Variants in SYNE2 observed in about 807,000 individuals in gnomAD.
SYNE2 encodes the protein spectrin repeat containing nuclear envelope protein 2.
Under a neutral mutation model 856.3 loss-of-function variants are expected in SYNE2, and 431 were observed. That is an observed-to-expected ratio of 0.50 (90% CI 0.47 to 0.55). SYNE2 has a LOEUF of 0.55. Among genes scored for constraint, SYNE2 ranks in the 20% least tolerant of loss-of-function variants. SYNE2 has a pLI of 0.00. For synonymous variants in SYNE2, 2,923 were observed against 2,872.3 expected, an observed-to-expected ratio of 1.02 and a Z score of -0.56; for missense variants, 8,129 against 8,023.2, an observed-to-expected ratio of 1.01 and a Z score of -0.50.
chr14:64,056,002 C>A lies in SYNE2; in HGVS notation c.9803C>A (p.Ala3268Glu). ...CGCTATAAAGAAGCAGTCACCAGGG[C>A]AGTGGAGAGCATCACTTCCCTCGAA... ...LTRYKEAVTR[A>E]VESITSLEAI... The change falls in exon 49 of 116, where the codon GCA (alanine) becomes GAA (glutamate). Residue 3268 changes from alanine to glutamate, a missense_variant. Coordinates refer to ENST00000555002, the MANE Select transcript of SYNE2 (RefSeq NM_182914.3). 6.2e-7 allele frequency: 1 copy of A among 1,614,018 alleles called. No homozygotes were observed. The highest frequency in any genetic ancestry group is 8.5e-7 in the Non-Finnish European group (1 of 1,179,898).
Position 64,163,504 on chromosome 14 carries a change from C to A in SYNE2, c.16402C>A (p.Leu5468Ile). The change falls in exon 89 of 116, where the codon CTC becomes ATC. Residue 5468 changes from leucine (L) to isoleucine (I), a missense_variant. By Grantham distance (5) the Leu-to-Ile change is conservative. Around this residue, in one of 3 missense-constraint regions of SYNE2, gnomAD observed 5,410 missense variants for 5,284.8 expected, o/e 1.02. Coordinates refer to ENST00000555002, the MANE Select transcript of SYNE2 (RefSeq NM_182914.3). ...QPAESSTHML[L>I]PGPLHSLQRA... ...CGCAGAGTCCAGCACCCACATGCTC[C>A]TCCCGGGCCCCCTGCACTCTCTCCA... 4 of 1,614,176 alleles carry A rather than the reference C, an allele frequency of 2.5e-6. No individual in the cohort carries two copies. Among genetic ancestry groups the A allele is most frequent in the Non-Finnish European group, 3.4e-6 (4 of 1,180,036 alleles).
At chr14:64,035,272 G>T (rs2097077745) in intron 45 of SYNE2, among the ~76,000 whole-genome samples, 1 of 151,966 alleles carries the variant, frequency 6.6e-6, no homozygotes, top group South Asian at 2.1e-4. Flanking sequence ...ATTTGAATGA[G>T]AAGGAAACTA....
chr14:63,979,218 A>G (rs1292202657), intron 14 of SYNE2, among the ~76,000 whole-genome samples: 1 of 152,216 alleles, frequency 6.6e-6, no homozygotes, highest in Non-Finnish European at 1.5e-5. Context: ...TATAGAAAAT[A>G]TCACTACTTA....
chr14:63,956,487 T>G (rs2096243424), intron 8 of SYNE2: 1 of 456,090 alleles, frequency 2.2e-6, no homozygotes. Context: ...GTGAGTCAGC[T>G]AGTTCCAGCA....
Position 64,141,293 on chromosome 14 carries a change from C to A in SYNE2, c.14977-48C>A, listed in dbSNP as rs1484311129. 2.0e-6 allele frequency: 3 copies of A among 1,495,180 alleles called. No homozygotes were observed. In the African/African-American group the frequency reaches 4.2e-5, roughly 21 times the overall value. 92.6% of individuals were successfully genotyped at this position (1,495,180 alleles called of 1,614,324 possible). ...AGCCAGTTATTCCGACTCTTACTTT[C>A]TGCTATATTTAAATTTTAAGTTTCT... On this transcript the variant is annotated intron_variant, in intron 80 of 115. Coordinates refer to ENST00000555002, the MANE Select transcript of SYNE2 (RefSeq NM_182914.3).
At chr14:64,220,756 G>GA in intron 111 of SYNE2, 119 bp downstream of exon 111, 1 of 1,189,888 alleles carries the variant, frequency 8.4e-7, no homozygotes, top group Non-Finnish European at 1.2e-6. Flanking sequence ...CTGGTGTCAG[G>GA]AAACATGTGC....
At position 63,976,742 on chromosome 14, in the gene SYNE2, A is replaced by G; in HGVS notation, c.1293+15A>G. 1 of 1,612,452 alleles carries G rather than the reference A, an allele frequency of 6.2e-7. No homozygotes were observed. The highest frequency in any genetic ancestry group is 8.5e-7 in the Non-Finnish European group (1 of 1,178,614). The stretch of plus-strand genomic sequence containing the variant: ...CTTTATTCAAGGTTGGAAAAGAAAA[A>G]AAAGAGATGTAGGAAAATACATATT... On this transcript the variant is annotated intron_variant, in intron 12 of 115. Transcript: ENST00000555002.
chr14:63,764,217 C>T lies in SYNE2; in HGVS notation c.-305+2231C>T, dbSNP rs1251095749. Among the ~76,000 whole-genome samples, 4 of 152,164 alleles carry T rather than the reference C, an allele frequency of 2.6e-5. No homozygotes were observed. In the East Asian group the frequency reaches 7.7e-4, roughly 29 times the overall value. On this transcript the variant is annotated intron_variant, in intron 1 of 23. Transcript: ENST00000674003. Reference sequence around the variant, plus strand: ...GTGAGTCTACAGACTGGATTAATGACATATACCTGAAAGCTTAGAAGAGTG... The same window carrying T: ...GTGAGTCTACAGACTGGATTAATGATATATACCTGAAAGCTTAGAAGAGTG...
chr14:64,142,926 C>T (rs1293279957), intron 82 of SYNE2, among the ~76,000 whole-genome samples: 1 of 152,196 alleles, frequency 6.6e-6, no homozygotes, highest in Non-Finnish European at 1.5e-5. Flanking sequence ...ACTGGGAATA[C>T]AAAGATGAGT....
chr14:64,173,091 G>A (rs1464540414), intron 94 of SYNE2, among the ~76,000 whole-genome samples: 1 of 152,206 alleles, frequency 6.6e-6, no homozygotes, highest in African/African-American at 2.4e-5. Context: ...TCTCCTTGGT[G>A]AGTCCGGGTC....
intron 54 of SYNE2, among the ~76,000 whole-genome samples, chr14:64,077,854 A>G (rs1429728203): frequency 1.3e-5 from 2 of 152,186 alleles, no homozygotes; most frequent in Non-Finnish European, 2.9e-5. Flanking sequence ...GATAAAAAAA[A>G]ATTACGCTGT....
intron 71 of SYNE2, among the ~76,000 whole-genome samples, chr14:64,126,039 C>A (rs1180760437): frequency 2.6e-5 from 4 of 152,236 alleles, no homozygotes; most frequent in Non-Finnish European, 5.9e-5. Flanking sequence ...ACCACACTTT[C>A]ACCTGGATCG....
chr14:64,121,129 C>G (rs2097895019), intron 68 of SYNE2, 68 bp downstream of exon 68: 1 of 1,601,528 alleles, frequency 6.2e-7, no homozygotes, highest in Non-Finnish European at 8.5e-7. Flanking sequence ...GTGGTGCAAA[C>G]CTACAGTCCT....
chr14:64,019,914 T>C, intron 34 of SYNE2, 78 bp from the exon 35 acceptor site: 1 of 946,468 alleles, frequency 1.1e-6, no homozygotes, highest in Non-Finnish European at 1.7e-6. Context: ...TTTCTATATA[T>C]AAACAGTAGT....
intron 26 of SYNE2, 72 bp downstream of exon 26, chr14:63,998,400 TA>T: frequency 9.6e-7 from 1 of 1,039,782 alleles, no homozygotes; most frequent in South Asian, 1.4e-5. Flanking sequence ...TTAGACTTTT[TA>T]AAAGTTTTAT....
intron 97 of SYNE2, among the ~76,000 whole-genome samples, chr14:64,186,860 A>G (rs1036262282): frequency 6.6e-6 from 1 of 152,244 alleles, no homozygotes; most frequent in African/African-American, 2.4e-5. Context: ...TCAGATGTGT[A>G]GACTGCTCTC....
At chr14:64,033,542 C>T (rs928755140) in intron 45 of SYNE2, among the ~76,000 whole-genome samples, 1 of 151,280 alleles carries the variant, frequency 6.6e-6, no homozygotes, top group African/African-American at 2.4e-5. Flanking sequence ...AAAAATTAGC[C>T]AGAGGTGGTG....
chr14:64,218,347 C>A, intron 108 of SYNE2, 51 bp from the exon 109 acceptor site: 3 of 1,495,896 alleles, frequency 2.0e-6, no homozygotes, highest in Non-Finnish European at 2.8e-6. Flanking sequence ...AGTTGTTCTT[C>A]AGATATCCTT....
At chr14:63,969,472 G>C (rs937046767) in intron 11 of SYNE2, among the ~76,000 whole-genome samples, 1 of 151,416 alleles carries the variant, frequency 6.6e-6, no homozygotes, top group Non-Finnish European at 1.5e-5. Flanking sequence ...CTCCCGAGTA[G>C]CTGGGACTAC....
Sources: gnomAD v4.1 joint callset for allele counts (sites outside exome capture counted in the v4.1 genomes callset) on GRCh38, gnomAD v4.1.1 for gene constraint, gnomAD v4.1.1 regional missense constraint, MANE v1.5 for transcripts, NCBI Gene and HGNC (gene_info 2026-07-23, HGNC 2026-07-21) for gene names.